Variants in MAGI2 observed in about 807,000 individuals in gnomAD.
The protein encoded by MAGI2 is membrane-associated guanylate kinase, WW and PDZ domain-containing protein 2.
Under a neutral mutation model 133.3 loss-of-function variants are expected in MAGI2, and 35 were observed. The ratio of observed to expected loss-of-function variants is 0.26; its 90% CI spans 0.20 to 0.35. MAGI2 has a LOEUF of 0.35. Ranked by LOEUF, MAGI2 falls within the 10% of genes least tolerant of loss-of-function variation. The pLI, the probability that MAGI2 is intolerant of heterozygous loss-of-function variation, is 1.00. For missense variants in MAGI2, 1,636 were observed against 1,863.4 expected (o/e 0.88, Z 2.25); for synonymous variants, 729 against 710.6 (o/e 1.03, Z -0.41).
chr7:78,320,083 C>T (rs185788808), intron 9 of MAGI2, among the ~76,000 whole-genome samples: 4 of 152,200 alleles, frequency 2.6e-5, no homozygotes, highest in Non-Finnish European at 4.4e-5. Context: ...AGGAAGAATT[C>T]GAATCCTTGA....
chr7:79,079,181 C>T (rs1223797806), intron 1 of MAGI2, among the ~76,000 whole-genome samples: 2 of 152,156 alleles, frequency 1.3e-5, no homozygotes, highest in African/African-American at 4.8e-5. Flanking sequence ...GTACCTCTAA[C>T]ATCTCAAATA....
chr7:79,034,917 A>C (rs532656444), intron 1 of MAGI2, among the ~76,000 whole-genome samples: 1 of 152,256 alleles, frequency 6.6e-6, no homozygotes, highest in Non-Finnish European at 1.5e-5. Flanking sequence ...GAATTTCTTA[A>C]TAACGAATTA....
At chr7:79,100,878 T>A (rs1001921869) in intron 1 of MAGI2, among the ~76,000 whole-genome samples, 1 of 151,994 alleles carries the variant, frequency 6.6e-6, no homozygotes, top group Non-Finnish European at 1.5e-5. Context: ...CTACCTTTAT[T>A]TCATTAAAAT....
chr7:78,426,877 A>G (rs1006508892), intron 6 of MAGI2, among the ~76,000 whole-genome samples: 4 of 152,172 alleles, frequency 2.6e-5, no homozygotes, highest in Non-Finnish European at 4.4e-5. Flanking sequence ...GAAAGCAGCC[A>G]GAGAAAAGCA....
At chr7:78,997,405 A>T (rs1359102488) in intron 2 of MAGI2, among the ~76,000 whole-genome samples, 1 of 152,066 alleles carries the variant, frequency 6.6e-6, no homozygotes, top group Non-Finnish European at 1.5e-5. Flanking sequence ...GGAGTTCAAG[A>T]CCAGCCTGAC....
In MAGI2 at chr7:78,606,958, A is replaced by G. The variant is rs1346665930; in HGVS notation, c.538+20162T>C. ...ATTCCTTTCTCCATTCTTTATACAT[A>G]CTTCTAAATGTAACTCAAATTTTCC... On this transcript the variant is annotated intron_variant, in intron 3 of 21. Transcript: ENST00000354212. Among the ~76,000 whole-genome samples the G allele has an allele frequency of 2.0e-5, 3 of 152,308 alleles. No homozygotes were observed. The East Asian group carries it at 5.8e-4, about 29-fold the overall frequency.
chr7:78,696,453 T>C (rs1817522704), intron 2 of MAGI2, among the ~76,000 whole-genome samples: 1 of 152,172 alleles, frequency 6.6e-6, no homozygotes, highest in Non-Finnish European at 1.5e-5. Context: ...CCCAAATTAC[T>C]ATTACTTCAT....
chr7:79,010,385 G>A (rs999780298), intron 1 of MAGI2, among the ~76,000 whole-genome samples: 1 of 152,068 alleles, frequency 6.6e-6, no homozygotes, highest in Non-Finnish European at 1.5e-5. Flanking sequence ...GGGCAATGAT[G>A]TCCTCAAAAA....
chr7:78,367,825 C>T (rs921327215), intron 7 of MAGI2, among the ~76,000 whole-genome samples: 2 of 151,980 alleles, frequency 1.3e-5, no homozygotes. Context: ...ATTTAGGGAC[C>T]GTAACTATGT....
At chr7:79,002,142 T>C (rs1806925920) in intron 2 of MAGI2, among the ~76,000 whole-genome samples, 1 of 151,482 alleles carries the variant, frequency 6.6e-6, no homozygotes. Context: ...TTCTTTTTTT[T>C]TTTTTTTTAG....
chr7:79,085,441 C>T (rs1294063723), intron 1 of MAGI2, among the ~76,000 whole-genome samples: 1 of 151,752 alleles, frequency 6.6e-6, no homozygotes, highest in African/African-American at 2.4e-5. Context: ...ATATTTATAA[C>T]AGCTGGTTTA....
intron 3 of MAGI2, among the ~76,000 whole-genome samples, chr7:78,532,647 G>A (rs1009918969): frequency 2.6e-5 from 4 of 152,188 alleles, no homozygotes; most frequent in African/African-American, 7.2e-5. Flanking sequence ...TGTGATCTGT[G>A]TGACACAAAC....
At chr7:78,020,085 G>GGCCCCT in intron 21 of MAGI2, 109 bp from the exon 22 acceptor site, 1 of 994,474 alleles carries the variant, frequency 1.0e-6, no homozygotes, top group Non-Finnish European at 1.4e-6. Context: ...CTCAGGGGCC[G>GGCCCCT]GAGCCACCGC....
chr7:78,723,579 C>T (rs1386631877), intron 2 of MAGI2, among the ~76,000 whole-genome samples: 1 of 151,910 alleles, frequency 6.6e-6, no homozygotes, highest in Non-Finnish European at 1.5e-5. Flanking sequence ...GTATGAAGGG[C>T]AATTAAGAAG....
At chr7:78,176,562 G>GC (rs1381276929) in intron 14 of MAGI2, among the ~76,000 whole-genome samples, 1 of 152,084 alleles carries the variant, frequency 6.6e-6, no homozygotes, top group African/African-American at 2.4e-5. Context: ...GTGGGAAGGA[G>GC]CCCACTCTTC....
At chr7:78,490,032 C>T (rs1793455311) in intron 5 of MAGI2, 192 bp from the exon 6 acceptor site, 2 of 499,514 alleles carry the variant, frequency 4.0e-6, no homozygotes, top group Non-Finnish European at 7.1e-6. Context: ...GCAACCTCAG[C>T]TCCCTGTCCT....
chr7:79,145,772 C>T (rs1283489040), intron 1 of MAGI2, among the ~76,000 whole-genome samples: 1 of 152,132 alleles, frequency 6.6e-6, no homozygotes, highest in African/African-American at 2.4e-5. Context: ...TTATGTCTAG[C>T]ACATTTGTTT....
intron 2 of MAGI2, among the ~76,000 whole-genome samples, chr7:78,687,969 T>TAAAAAAATAAAAAA (rs1816526356): frequency 1.5e-5 from 1 of 67,226 alleles, no homozygotes; most frequent in Non-Finnish European, 2.8e-5. Context: ...GTCCTTGCCT[T>TAAAAAAATAAAAAA]AAAAAAAAAA....
chr7:78,847,615 G>C (rs1253064311), intron 2 of MAGI2, among the ~76,000 whole-genome samples: 2 of 151,940 alleles, frequency 1.3e-5, no homozygotes, highest in Non-Finnish European at 2.9e-5. Context: ...TTGCATAGTA[G>C]AGTTAAAAGA....
Sources: allele counts gnomAD v4.1 joint callset (sites outside exome capture counted in the v4.1 genomes callset), GRCh38; gene constraint gnomAD v4.1.1; transcripts MANE v1.5; gene names NCBI Gene and HGNC (gene_info 2026-07-23, HGNC 2026-07-21).